SGCZ: variants seen among roughly 807,000 people sequenced by gnomAD.
SGCZ encodes the protein sarcoglycan zeta, also known as zeta-sarcoglycan.
Under a neutral mutation model 41.3 loss-of-function variants are expected in SGCZ, and 40 were observed. That is an observed-to-expected ratio of 0.97 (90% CI 0.75 to 1.26). The LOEUF (loss-of-function observed/expected upper bound fraction) is 1.26. Ranked by LOEUF, SGCZ falls within the 50% of genes most tolerant of loss-of-function variation. The pLI, the probability that SGCZ is intolerant of heterozygous loss-of-function variation, is 0.00. For synonymous variants in SGCZ, 206 were observed against 137.5 expected (o/e 1.50, Z -3.49); for missense variants, 552 against 369.8 (o/e 1.49, Z -4.04).
intron 3 of SGCZ, among the ~76,000 whole-genome samples, chr8:14,278,055 C>G (rs1332604482): frequency 6.6e-6 from 1 of 152,148 alleles, no homozygotes; most frequent in East Asian, 1.9e-4. Context: ...GTTCACAGTG[C>G]AGTTCCAACA....
chr8:14,459,160 C>T (rs116563205), intron 2 of SGCZ, among the ~76,000 whole-genome samples: 381 of 151,992 alleles, frequency 2.5e-3, no homozygotes, highest in African/African-American at 8.5e-3. Flanking sequence ...AGCAAACTAT[C>T]GAGAGGACAA....
At chr8:14,427,514 C>T (rs1191595870) in intron 2 of SGCZ, among the ~76,000 whole-genome samples, 4 of 152,188 alleles carry the variant, frequency 2.6e-5, no homozygotes, top group Admixed American at 1.3e-4. Flanking sequence ...CCACTCGTTG[C>T]GTTTCCATGA....
intron 3 of SGCZ, among the ~76,000 whole-genome samples, chr8:14,239,590 T>G (rs945982992): frequency 4.6e-5 from 7 of 152,056 alleles, no homozygotes; most frequent in Non-Finnish European, 8.8e-5. Context: ...CCATAAGCAT[T>G]TGTATATATA....
At chr8:14,577,491 C>G (rs1012360383) in intron 1 of SGCZ, among the ~76,000 whole-genome samples, 1 of 148,772 alleles carries the variant, frequency 6.7e-6, no homozygotes, top group African/African-American at 2.5e-5. Flanking sequence ...CAGATTCAAG[C>G]AATTCTCCTG....
At chr8:14,600,605 G>A (rs1440449449) in intron 1 of SGCZ, among the ~76,000 whole-genome samples, 1 of 152,108 alleles carries the variant, frequency 6.6e-6, no homozygotes, top group Admixed American at 6.6e-5. Context: ...TAATCCATTA[G>A]CAGACAACAG....
chr8:14,507,615 C>T (rs1340236714), intron 2 of SGCZ, among the ~76,000 whole-genome samples: 1 of 152,086 alleles, frequency 6.6e-6, no homozygotes, highest in African/African-American at 2.4e-5. Context: ...TATTTTTATA[C>T]CTGGAACTTG....
chr8:15,034,525 G>T (rs897530059), intron 1 of SGCZ, among the ~76,000 whole-genome samples: 2 of 152,104 alleles, frequency 1.3e-5, no homozygotes, highest in East Asian at 3.9e-4. Context: ...GAGAAATAAA[G>T]AGGTAGAAAG....
intron 2 of SGCZ, among the ~76,000 whole-genome samples, chr8:14,327,460 C>A (rs2117042226): frequency 1.3e-5 from 2 of 152,274 alleles, no homozygotes; most frequent in Admixed American, 1.3e-4. Flanking sequence ...AAGTGCGCTC[C>A]TTGGAGTTGT....
intron 1 of SGCZ, among the ~76,000 whole-genome samples, chr8:14,823,573 G>A (rs1802185680): frequency 6.6e-6 from 1 of 152,052 alleles, no homozygotes; most frequent in Admixed American, 6.5e-5. Flanking sequence ...AAAGACAAAG[G>A]AAACCAATGT....
At chr8:14,362,509 A>G (rs1296052268) in intron 2 of SGCZ, among the ~76,000 whole-genome samples, 2 of 152,226 alleles carry the variant, frequency 1.3e-5, no homozygotes, top group South Asian at 2.1e-4. Flanking sequence ...GCCAGGCACA[A>G]GAGGGAATCT....
At chr8:14,506,630 T>C (rs531105209) in intron 2 of SGCZ, among the ~76,000 whole-genome samples, 1 of 152,320 alleles carries the variant, frequency 6.6e-6, no homozygotes, top group Admixed American at 6.5e-5. Context: ...CAAATGTCTC[T>C]TTCCCCTTCT....
At chr8:14,791,337 G>T (rs975256416) in intron 1 of SGCZ, among the ~76,000 whole-genome samples, 10 of 152,010 alleles carry the variant, frequency 6.6e-5, no homozygotes, top group Admixed American at 3.9e-4. Context: ...GCATTGGATG[G>T]CACTAGGAGG....
At chr8:15,007,078 T>C (rs1477316128) in intron 1 of SGCZ, among the ~76,000 whole-genome samples, 2 of 152,180 alleles carry the variant, frequency 1.3e-5, no homozygotes, top group Admixed American at 1.3e-4. Flanking sequence ...AGCACAAAAA[T>C]TGAAGGACTG....
At chr8:14,577,998 C>T (rs1208942031) in intron 1 of SGCZ, among the ~76,000 whole-genome samples, 2 of 152,118 alleles carry the variant, frequency 1.3e-5, no homozygotes, top group African/African-American at 4.8e-5. Flanking sequence ...ATTAAGTGAA[C>T]TGTACACTAC....
At chr8:14,356,272 T>C (rs562685845) in intron 2 of SGCZ, among the ~76,000 whole-genome samples, 1 of 152,334 alleles carries the variant, frequency 6.6e-6, no homozygotes, top group African/African-American at 2.4e-5. Flanking sequence ...AGTGGGTTTA[T>C]TGGAACAAAA....
chr8:14,864,431 C>T (rs1402956677), intron 1 of SGCZ, among the ~76,000 whole-genome samples: 4 of 152,204 alleles, frequency 2.6e-5, no homozygotes, highest in East Asian at 3.9e-4. Flanking sequence ...TAGTCAACTA[C>T]GATGAAAGGC....
At chr8:14,761,324 A>C (rs1217812819) in intron 1 of SGCZ, among the ~76,000 whole-genome samples, 1 of 151,976 alleles carries the variant, frequency 6.6e-6, no homozygotes, top group Non-Finnish European at 1.5e-5. Flanking sequence ...GATATTCAAA[A>C]TAATGCTGAG....
intron 2 of SGCZ, among the ~76,000 whole-genome samples, chr8:14,503,483 A>G (rs1397456434): frequency 6.6e-6 from 1 of 152,128 alleles, no homozygotes. Context: ...ACAAAACAAT[A>G]ACGCGGCCAG....
At chr8:14,288,379 G>A (rs867893337) in intron 3 of SGCZ, among the ~76,000 whole-genome samples, 33 of 152,048 alleles carry the variant, frequency 2.2e-4, no homozygotes, top group African/African-American at 6.3e-4. Flanking sequence ...ATCAAGTTCC[G>A]GAAATTCTTC....
Sources: gnomAD v4.1 joint callset for allele counts (sites outside exome capture counted in the v4.1 genomes callset) on GRCh38, gnomAD v4.1.1 for gene constraint, MANE v1.5 for transcripts, NCBI Gene and HGNC (gene_info 2026-07-23, HGNC 2026-07-21) for gene names.